Variants in PTPN1 observed in about 807,000 individuals in gnomAD.
PTPN1 encodes the protein protein tyrosine phosphatase non-receptor type 1.
PTPN1 carries 12 observed loss-of-function variants against 59.9 expected under a neutral mutation model. That is an observed-to-expected ratio of 0.20 (90% CI 0.13 to 0.32). The LOEUF is 0.32. Ranked by LOEUF, PTPN1 falls within the 10% of genes least tolerant of loss-of-function variation. The pLI is 1.00. For missense variants in PTPN1, 356 were observed against 549.2 expected, an observed-to-expected ratio of 0.65 and a Z score of 3.52; for synonymous variants, 178 against 203.6, an observed-to-expected ratio of 0.87 and a Z score of 1.07.
At chr20:50,525,687 G>A (rs2082571797) in intron 1 of PTPN1, among the ~76,000 whole-genome samples, 1 of 151,326 alleles carries the variant, frequency 6.6e-6, no homozygotes, top group Non-Finnish European at 1.5e-5. Flanking sequence ...AAGGGGAAAG[G>A]TTTTCCTTAA....
chr20:50,513,231 T>A (rs1016981051), intron 1 of PTPN1, among the ~76,000 whole-genome samples: 3 of 152,174 alleles, frequency 2.0e-5, no homozygotes, highest in Admixed American at 6.5e-5. Context: ...AGCATCTAGG[T>A]CTATAAAAAG....
At chr20:50,563,161 T>C (rs2122779880) in intron 2 of PTPN1, 1 of 147,978 alleles carries the variant, frequency 6.8e-6, no homozygotes, top group African/African-American at 2.5e-5. Flanking sequence ...ACTTTTTCAC[T>C]CCCAATCTCA....
chr20:50,525,945 A>T (rs1459425753), intron 1 of PTPN1, among the ~76,000 whole-genome samples: 1 of 152,040 alleles, frequency 6.6e-6, no homozygotes, highest in African/African-American at 2.4e-5. Flanking sequence ...GAAGAAGGGG[A>T]TGAGTAATAA....
At chr20:50,554,091 C>T (rs1358487113) in intron 1 of PTPN1, among the ~76,000 whole-genome samples, 1 of 152,078 alleles carries the variant, frequency 6.6e-6, no homozygotes, top group Non-Finnish European at 1.5e-5. Context: ...AAACCTTCAG[C>T]AAAATAAACA....
In PTPN1 at chr20:50,578,545, G is replaced by A. The variant is rs1278177490; in HGVS notation, c.618G>A (p.Pro206=). Residue 206 remains proline, a synonymous_variant, in exon 6 of 10, where the codon CCG becomes CCA. Coordinates refer to ENST00000371621, the MANE Select transcript of PTPN1 (RefSeq NM_002827.4). The stretch of plus-strand genomic sequence containing the variant: ...TCCGAGAGTCAGGGTCACTCAGCCC[G>A]GAGCACGGGCCCGTTGTGGTGCACT... ...FKVRESGSLS[P]EHGPVVVHCS... The A allele has an allele frequency of 5.0e-6, 8 of 1,614,216 alleles. No homozygotes were observed. The highest frequency in any genetic ancestry group is 3.3e-5 in the Admixed American group (2 of 60,030).
At position 50,524,569 on chromosome 20, in the gene PTPN1, C is replaced by CTTTTT. The variant is rs764474360; in HGVS notation, c.63+14000_63+14004dup. Among the ~76,000 whole-genome samples the CTTTTT allele has an allele frequency of 6.8e-3, 309 of 45,776 alleles. 63 individuals carry two copies. Among genetic ancestry groups the CTTTTT allele is most frequent in the African/African-American group, 0.029 (254 of 8,768 alleles). 30.0% of individuals were successfully genotyped at this position (45,776 alleles called of 152,430 possible). On this transcript the variant is annotated intron_variant, in intron 1 of 9. Coordinates refer to ENST00000371621, the MANE Select transcript of PTPN1 (RefSeq NM_002827.4). Reference sequence around the variant, plus strand: ...TGGCTGGTTTATCCCATTATGTGGTCTTTTTTTTTTTTTTTTTTTTTTTTT... The same window carrying CTTTTT: ...TGGCTGGTTTATCCCATTATGTGGTCTTTTTTTTTTTTTTTTTTTTTTTTTTTTTT...
chr20:50,549,132 CTG>C (rs1430262534), intron 1 of PTPN1, among the ~76,000 whole-genome samples: 1 of 152,176 alleles, frequency 6.6e-6, no homozygotes, highest in Non-Finnish European at 1.5e-5. Context: ...TAGTTGTCTT[CTG>C]TGTTTGATAC....
chr20:50,533,513 A>AT (rs1271977490), intron 1 of PTPN1, among the ~76,000 whole-genome samples: 2 of 151,758 alleles, frequency 1.3e-5, no homozygotes, highest in Non-Finnish European at 2.9e-5. Context: ...CACTGCTGAA[A>AT]TGCAAGAGCT....
At chr20:50,549,087 T>C (rs540509576) in intron 1 of PTPN1, among the ~76,000 whole-genome samples, 2 of 152,372 alleles carry the variant, frequency 1.3e-5, no homozygotes, top group East Asian at 3.9e-4. Flanking sequence ...ATTTTTGTTC[T>C]AGTTGATTTG....
Position 50,510,425 on chromosome 20 carries a change from T to C in PTPN1, c.-103T>C. On this transcript the variant is annotated 5_prime_UTR_variant, in exon 1 of 10. Transcript: ENST00000371621. ...GCTAGGGCGGCGGTAGCTGCAGGGG[T>C]CGGGGATTGCAGCGGGCCTCGGGGC... 7.7e-7 allele frequency: 1 copy of C among 1,298,644 alleles called. No homozygotes were observed. Among genetic ancestry groups the C allele is most frequent in the Non-Finnish European group, 1.1e-6 (1 of 943,206 alleles). The allele number at this position is 1,298,644 out of a possible 1,614,324, so 80.4% of individuals were successfully genotyped here.
intron 1 of PTPN1, among the ~76,000 whole-genome samples, chr20:50,524,281 A>G (rs552614165): frequency 6.6e-6 from 1 of 152,334 alleles, no homozygotes; most frequent in East Asian, 1.9e-4. Flanking sequence ...AACAGTGCAC[A>G]GTAATTAGTA....
At chr20:50,573,059 G>T (rs1271279850) in intron 4 of PTPN1, 1 of 152,272 alleles carries the variant, frequency 6.6e-6, no homozygotes, top group African/African-American at 2.4e-5. Context: ...CCACAACCTG[G>T]TGTTTCCTAA....
At chr20:50,569,163 A>G (rs192015842) in intron 4 of PTPN1, among the ~76,000 whole-genome samples, 19 of 152,238 alleles carry the variant, frequency 1.2e-4, no homozygotes, top group African/African-American at 4.6e-4. Context: ...CTCAAATCCA[A>G]GTCTCACCAC....
At chr20:50,530,790 C>T (rs2082597572) in intron 1 of PTPN1, among the ~76,000 whole-genome samples, 1 of 150,196 alleles carries the variant, frequency 6.7e-6, no homozygotes. Flanking sequence ...ACCTCCTGGG[C>T]TCGAATGATC....
chr20:50,536,562 C>T (rs928978437), intron 1 of PTPN1, among the ~76,000 whole-genome samples: 3 of 152,212 alleles, frequency 2.0e-5, no homozygotes, highest in Non-Finnish European at 2.9e-5. Context: ...AGTGGCTTAG[C>T]AATTCTAAAG....
chr20:50,564,455 A>C (rs996982152), intron 2 of PTPN1, among the ~76,000 whole-genome samples: 8 of 152,098 alleles, frequency 5.3e-5, no homozygotes, highest in South Asian at 2.1e-4. Context: ...TTAGGTGAGC[A>C]TGGTGGCCTG....
intron 4 of PTPN1, chr20:50,572,688 G>A (rs2082817178): frequency 6.6e-6 from 1 of 152,152 alleles, no homozygotes; most frequent in African/African-American, 2.4e-5. Flanking sequence ...GGGTGGGGTG[G>A]AACCTGTCAG....
At chr20:50,523,155 G>A (rs1296379814) in intron 1 of PTPN1, among the ~76,000 whole-genome samples, 3 of 152,118 alleles carry the variant, frequency 2.0e-5, no homozygotes, top group African/African-American at 4.8e-5. Context: ...GGAAGAAGAG[G>A]AAACGGGAGG....
rs2122808195 is a variant in PTPN1 at position 50,581,466 on chromosome 20, T to C, written c.1284+6T>C. 6.3e-7 allele frequency: 1 copy of C among 1,594,650 alleles called. No homozygotes were observed. Among genetic ancestry groups the C allele is most frequent in the East Asian group, 2.3e-5 (1 of 44,354 alleles). On this transcript the variant is annotated splice_donor_region_variant and intron_variant, in intron 9 of 9. Transcript: ENST00000371621. ...GCGCTTACCTCTGCTACAGGGTATG[T>C]TTCCACTGACAGACGCGCTGGCGAG...
Sources: allele counts gnomAD v4.1 joint callset (sites outside exome capture counted in the v4.1 genomes callset), GRCh38; gene constraint gnomAD v4.1.1; transcripts MANE v1.5; gene names NCBI Gene and HGNC (gene_info 2026-07-23, HGNC 2026-07-21).